CLEC4C: variants seen among roughly 807,000 people sequenced by gnomAD.
CLEC4C encodes C-type (calcium dependent, carbohydrate-recognition domain) lectin, superfamily member 11.
Under a neutral mutation model 27.7 loss-of-function variants are expected in CLEC4C, and 17 were observed. The ratio of observed to expected loss-of-function variants is 0.61; its 90% CI spans 0.42 to 0.92. The LOEUF (loss-of-function observed/expected upper bound fraction) is 0.92. Ranked by LOEUF, CLEC4C falls within the 40% of genes least tolerant of loss-of-function variation. The pLI is 0.00. For missense variants in CLEC4C, 244 were observed against 257.3 expected (o/e 0.95, Z 0.35); for synonymous variants, 80 against 80.8 (o/e 0.99, Z 0.06).
chr12:7,732,275 C>G (rs191883555), intron 4 of CLEC4C, among the ~76,000 whole-genome samples: 19 of 151,954 alleles, frequency 1.3e-4, no homozygotes, highest in African/African-American at 4.6e-4. Flanking sequence ...GTTGATTTGC[C>G]TGCCTAGGCC....
chr12:7,730,077 C>T (rs1864559855), intron 5 of CLEC4C, among the ~76,000 whole-genome samples: 1 of 152,158 alleles, frequency 6.6e-6, no homozygotes, highest in Admixed American at 6.6e-5. Flanking sequence ...AATTCCAACT[C>T]ACAGAGTTAA....
intron 2 of CLEC4C, among the ~76,000 whole-genome samples, 155 bp downstream of exon 2, chr12:7,746,176 T>C (rs765058467): frequency 8.5e-5 from 12 of 141,672 alleles, no homozygotes; most frequent in African/African-American, 2.7e-4. Flanking sequence ...ATCACGCCAC[T>C]GCACTCCATC....
rs551989014 is a variant in CLEC4C at position 7,741,635 on chromosome 12, C to G, written c.125-104G>C. ...AGGCACAGTGACTCACGCCTGTAAT[C>G]TCAGCACTTTAGGAGGCCGAGGTGG... On this transcript the variant is annotated intron_variant, in intron 2 of 5. Transcript: ENST00000360345. 4 of 672,204 alleles carry G rather than the reference C, an allele frequency of 6.0e-6. 1 individual carries two copies. Among genetic ancestry groups the G allele is most frequent in the Middle Eastern group, 5.8e-4 (2 of 3,432 alleles). The allele number at this position is 672,204 out of a possible 1,614,324, so 41.6% of individuals were successfully genotyped here.
chr12:7,738,468 C>A (rs745875261), intron 3 of CLEC4C, among the ~76,000 whole-genome samples: 1 of 152,100 alleles, frequency 6.6e-6, no homozygotes, highest in Non-Finnish European at 1.5e-5. Context: ...AAATGTTTTT[C>A]TTTATATTTT....
chr12:7,748,236 A>G (rs1865030058), upstream of CLEC4C, among the ~76,000 whole-genome samples: 1 of 152,190 alleles, frequency 6.6e-6, no homozygotes, highest in Non-Finnish European at 1.5e-5. Flanking sequence ...GTAGTGAGAA[A>G]AAAGTTTTGA....
intron 3 of CLEC4C, among the ~76,000 whole-genome samples, chr12:7,740,709 AAAAAAAGAAAAGAAAG>A (rs1306490916): frequency 6.7e-6 from 1 of 150,250 alleles, no homozygotes; most frequent in Non-Finnish European, 1.5e-5. Context: ...TCAAAAAAGA[AAAAAAAGAAAAGAAAG>A]AAAAAAGAGA....
chr12:7,740,876 T>A (rs1864838302), intron 3 of CLEC4C, among the ~76,000 whole-genome samples: 1 of 148,680 alleles, frequency 6.7e-6, no homozygotes, highest in African/African-American at 2.5e-5. Flanking sequence ...AGTCTCGCTC[T>A]GTCACCCAGG....
intron 4 of CLEC4C, 73 bp downstream of exon 4, chr12:7,737,356 G>A (rs1330929040): frequency 1.8e-6 from 2 of 1,085,610 alleles, no homozygotes; most frequent in African/African-American, 1.7e-5. Context: ...TGAACTTTCA[G>A]GGCAATAAAA....
chr12:7,745,367 C>G (rs966134619), intron 2 of CLEC4C, among the ~76,000 whole-genome samples: 4 of 150,732 alleles, frequency 2.7e-5, no homozygotes, highest in African/African-American at 9.7e-5. Flanking sequence ...TGTCAGACTT[C>G]CAGCCTCCAG....
At chr12:7,748,885 C>A (rs1051904567), upstream of CLEC4C, among the ~76,000 whole-genome samples, 4 of 152,184 alleles carry the variant, frequency 2.6e-5, no homozygotes, top group East Asian at 7.7e-4. Context: ...TGCATGTAGG[C>A]CCAGCTCAGG....
rs746196437 is a variant in CLEC4C at position 7,738,534 on chromosome 12, C to CT, written c.236-961dup. The stretch of plus-strand genomic sequence containing the variant: ...AAATTTTTTTAGAGACAGGATCATG[C>CT]TTTGTCATCTAAGCTGGAGTGCAGT... On this transcript the variant is annotated intron_variant, in intron 3 of 5. Coordinates refer to ENST00000360345, the MANE Select transcript of CLEC4C (RefSeq NM_001371390.1). Among the ~76,000 whole-genome samples, 713 of 152,246 alleles carry CT rather than the reference C, an allele frequency of 4.7e-3. 4 individuals carry two copies. The highest frequency in any genetic ancestry group is 0.016 in the African/African-American group (676 of 41,544).
chr12:7,730,674 C>A, intron 5 of CLEC4C, 123 bp downstream of exon 5: 3 of 509,128 alleles, frequency 5.9e-6, no homozygotes, highest in South Asian at 2.4e-5. Context: ...CCCTTGATGT[C>A]AAATAGACCT....
chr12:7,748,296 G>A (rs1256047082), upstream of CLEC4C, among the ~76,000 whole-genome samples: 1 of 152,184 alleles, frequency 6.6e-6, no homozygotes, highest in Admixed American at 6.6e-5. Context: ...GGGAAGCTGA[G>A]GTGGGCGGAT....
rs755539257 is a variant in CLEC4C at position 7,729,620 on chromosome 12, G to A, written c.618C>T (p.Cys206=). Residue 206 remains cysteine (C), a synonymous_variant, in exon 6 of 6, where the codon TGC becomes TGT. Coordinates refer to ENST00000360345, the MANE Select transcript of CLEC4C (RefSeq NM_001371390.1). ...IHCHVPQKSI[C]KMKKIYI The stretch of plus-strand genomic sequence containing the variant: ...TTTATATGTAGATCTTCTTCATCTT[G>A]CAAATTGACTTCTGAGGTACATGAC... The A allele has an allele frequency of 1.2e-5, 19 of 1,613,348 alleles. No homozygotes were observed. In the African/African-American group the frequency reaches 2.4e-4, roughly 20 times the overall value.
chr12:7,747,541 T>G (rs984909841), upstream of CLEC4C: 2 of 478,254 alleles, frequency 4.2e-6, no homozygotes, highest in Admixed American at 3.2e-5. Context: ...GCTTTCAATT[T>G]AAAACATACA....
intron 4 of CLEC4C, among the ~76,000 whole-genome samples, chr12:7,735,710 G>A (rs900122840): frequency 1.3e-5 from 2 of 151,392 alleles, no homozygotes; most frequent in African/African-American, 4.9e-5. Context: ...GAGACAGAGA[G>A]GAGAATCGCT....
chr12:7,739,121 CTTTT>C (rs563875432), intron 3 of CLEC4C, among the ~76,000 whole-genome samples: 2 of 150,556 alleles, frequency 1.3e-5, no homozygotes, highest in African/African-American at 4.9e-5. Flanking sequence ...TTATTTCATT[CTTTT>C]TTTTTGAGAT....
intron 3 of CLEC4C, among the ~76,000 whole-genome samples, chr12:7,740,966 G>T (rs988242195): frequency 1.3e-5 from 2 of 151,400 alleles, no homozygotes; most frequent in Non-Finnish European, 2.9e-5. Context: ...TCAGCCTCCC[G>T]AGTAGCTGGG....
At chr12:7,745,021 C>A (rs1864939278) in intron 2 of CLEC4C, among the ~76,000 whole-genome samples, 1 of 151,994 alleles carries the variant, frequency 6.6e-6, no homozygotes, top group Non-Finnish European at 1.5e-5. Flanking sequence ...CCAATAGAGA[C>A]TTTTTTAAAA....
Sources: allele counts gnomAD v4.1 joint callset (sites outside exome capture counted in the v4.1 genomes callset), GRCh38; gene constraint gnomAD v4.1.1; transcripts MANE v1.5; gene names NCBI Gene and HGNC (gene_info 2026-07-23, HGNC 2026-07-21).